The following TCERG1L variants were observed in gnomAD, a reference collection of about 807,000 sequenced individuals.
TCERG1L encodes transcription elongation regulator 1 like.
TCERG1L carries 37 observed loss-of-function variants against 56.3 expected under a neutral mutation model. The observed-to-expected ratio is 0.66, with a 90% CI of 0.51 to 0.87. The LOEUF (loss-of-function observed/expected upper bound fraction) is 0.87. Among genes scored for constraint, TCERG1L ranks in the 40% least tolerant of loss-of-function variants. The pLI is 0.00. For synonymous variants in TCERG1L, 324 were observed against 326.3 expected (o/e 0.99, Z 0.08); for missense variants, 799 against 774.2 (o/e 1.03, Z -0.38).
chr10:131,232,411 G>A (rs531022421), intron 4 of TCERG1L, among the ~76,000 whole-genome samples: 17 of 152,322 alleles, frequency 1.1e-4, no homozygotes, highest in African/African-American at 3.4e-4. Context: ...TTGCAGGAGC[G>A]TTGGCAGAAT....
rs1265426587 is a variant in TCERG1L at position 131,311,504 on chromosome 10, C to A, written c.132G>T (p.Pro44=). ...TGAGCCGGAGCAGCCCGGCCGAGCCCGGCACCATCCAGACCCAGGGCGGCG... is the reference window on the plus strand; with the variant it reads ...TGAGCCGGAGCAGCCCGGCCGAGCCAGGCACCATCCAGACCCAGGGCGGCG... The part of the protein sequence containing the change: ...PPPPPWVWMV[P]GSAGLLRLSA... The change falls in exon 1 of 12, where the codon CCG becomes CCT. Residue 44 remains proline, a synonymous_variant. Coordinates refer to ENST00000368642, the MANE Select transcript of TCERG1L (RefSeq NM_174937.4). The surrounding 1 kb of genome is among the most constrained non-coding windows in gnomAD (Gnocchi z 4.0). 8.3e-7 allele frequency: 1 copy of A among 1,206,264 alleles called. No homozygotes were observed. Among genetic ancestry groups the A allele is most frequent in the Non-Finnish European group, 1.0e-6 (1 of 968,128 alleles). 74.7% of individuals were successfully genotyped at this position (1,206,264 alleles called of 1,614,324 possible). A position where few individuals can be genotyped will look rare whatever the true frequency, so the allele number is the denominator to read the frequency against.
chr10:131,158,726 C>CGGA (rs926459533), intron 6 of TCERG1L, among the ~76,000 whole-genome samples: 1 of 152,202 alleles, frequency 6.6e-6, no homozygotes, highest in Non-Finnish European at 1.5e-5. Context: ...GCTGACAGCC[C>CGGA]GGACCACCAC....
At chr10:131,303,820 T>C (rs375203831) in intron 3 of TCERG1L, among the ~76,000 whole-genome samples, 7 of 152,226 alleles carry the variant, frequency 4.6e-5, no homozygotes, top group African/African-American at 1.4e-4. Context: ...TCTTTTCACA[T>C]TGGCCAACTC....
chr10:131,180,550 T>C (rs1376885335), intron 4 of TCERG1L, among the ~76,000 whole-genome samples: 1 of 152,240 alleles, frequency 6.6e-6, no homozygotes, highest in African/African-American at 2.4e-5. Context: ...TAGGCTACCA[T>C]CTACTGCTGA....
intron 9 of TCERG1L, among the ~76,000 whole-genome samples, chr10:131,112,926 A>T (rs757132932): frequency 2.8e-5 from 4 of 142,112 alleles, no homozygotes; most frequent in Non-Finnish European, 6.3e-5. Flanking sequence ...TGGGGTGTTC[A>T]ATCCCTAGCG....
chr10:131,158,284 G>A lies in TCERG1L; in HGVS notation c.1034+4838C>T, dbSNP rs544510945. Among the ~76,000 whole-genome samples the A allele has an allele frequency of 2.6e-5, 4 of 152,322 alleles. No individual in the cohort carries two copies. The East Asian group carries it at 5.8e-4, about 22-fold the overall frequency. On this transcript the variant is annotated intron_variant, in intron 6 of 11. Transcript: ENST00000368642. ...TGCTTTCTAAGACGCTTTCCCAAGA[G>A]CAGGTGCATATCAGAAAAATGCTGG...
intron 4 of TCERG1L, among the ~76,000 whole-genome samples, chr10:131,174,021 C>T (rs561903660): frequency 1.7e-4 from 26 of 152,292 alleles, no homozygotes; most frequent in Middle Eastern, 3.4e-3. Flanking sequence ...TGACTGCTAC[C>T]GGAGGGGATG....
At chr10:131,259,267 TTA>T (rs1363606492) in intron 4 of TCERG1L, among the ~76,000 whole-genome samples, 3 of 152,176 alleles carry the variant, frequency 2.0e-5, no homozygotes, top group Non-Finnish European at 4.4e-5. Flanking sequence ...AGGTATATAT[TTA>T]TGTGTGTGTG....
intron 4 of TCERG1L, among the ~76,000 whole-genome samples, chr10:131,214,716 G>A (rs1443422347): frequency 1.3e-5 from 2 of 152,188 alleles, no homozygotes; most frequent in Non-Finnish European, 1.5e-5. Context: ...AGTGGGTGGT[G>A]TCCACGCAGT....
At chr10:131,208,719 G>C (rs1428398333) in intron 4 of TCERG1L, among the ~76,000 whole-genome samples, 1 of 152,168 alleles carries the variant, frequency 6.6e-6, no homozygotes, top group Non-Finnish European at 1.5e-5. Flanking sequence ...CCCAGAAGTG[G>C]AGAATTTCAC....
At chr10:131,242,968 A>G (rs956372647) in intron 4 of TCERG1L, among the ~76,000 whole-genome samples, 10 of 152,208 alleles carry the variant, frequency 6.6e-5, no homozygotes, top group African/African-American at 1.9e-4. Context: ...AGGGACGTCA[A>G]TCTCCACGTG....
At chr10:131,284,651 A>C (rs1358980039) in intron 3 of TCERG1L, among the ~76,000 whole-genome samples, 1 of 150,836 alleles carries the variant, frequency 6.6e-6, no homozygotes, top group Non-Finnish European at 1.5e-5. Flanking sequence ...GTGGAAATGA[A>C]CAAGTACTTT....
chr10:131,183,581 TCA>T (rs917026203), intron 4 of TCERG1L, among the ~76,000 whole-genome samples: 2 of 152,080 alleles, frequency 1.3e-5, no homozygotes, highest in African/African-American at 4.8e-5. Context: ...CCCAAATATC[TCA>T]GTTTTCAGGA....
chr10:131,257,360 G>A (rs1259523563), intron 4 of TCERG1L, among the ~76,000 whole-genome samples: 4 of 152,210 alleles, frequency 2.6e-5, no homozygotes, highest in Admixed American at 6.5e-5. Flanking sequence ...AGAGAAGCCC[G>A]GTTCACGGCT....
At chr10:131,284,918 G>A (rs974888838) in intron 3 of TCERG1L, among the ~76,000 whole-genome samples, 54 of 152,116 alleles carry the variant, frequency 3.5e-4, no homozygotes, top group African/African-American at 1.2e-3. Flanking sequence ...TAGGAAAGAT[G>A]AGGTTCTTAT....
chr10:131,271,982 G>A (rs1194970301), intron 3 of TCERG1L, among the ~76,000 whole-genome samples: 5 of 152,198 alleles, frequency 3.3e-5, no homozygotes, highest in Admixed American at 3.3e-4. Flanking sequence ...CTGCAGAAAT[G>A]ACTCTTTGAC....
chr10:131,165,451 G>A (rs902748959), intron 5 of TCERG1L, among the ~76,000 whole-genome samples: 5 of 152,102 alleles, frequency 3.3e-5, no homozygotes, highest in East Asian at 1.9e-4. Context: ...GTAAGTTTAC[G>A]AATAAAATTT....
intron 4 of TCERG1L, among the ~76,000 whole-genome samples, chr10:131,176,829 C>T (rs199954790): frequency 0.018 from 243 of 13,520 alleles, no homozygotes; most frequent in Middle Eastern, 0.1. Context: ...CACACAGACA[C>T]GTGTACACAC....
At chr10:131,249,064 G>A (rs117241157) in intron 4 of TCERG1L, among the ~76,000 whole-genome samples, 2,700 of 152,320 alleles carry the variant, frequency 0.018, 64 homozygotes, top group Middle Eastern at 0.051. Flanking sequence ...TCCCTCTCAC[G>A]CTCACTTGTA....
Sources: allele counts gnomAD v4.1 joint callset (sites outside exome capture counted in the v4.1 genomes callset), GRCh38; gene constraint gnomAD v4.1.1; non-coding constraint Gnocchi (gnomAD v3.1); transcripts MANE v1.5; gene names NCBI Gene and HGNC (gene_info 2026-07-23, HGNC 2026-07-21).